Variants in SEMA3A observed in about 807,000 individuals in gnomAD.
The protein encoded by SEMA3A is semaphorin-3A.
A neutral mutation model predicts 97.9 loss-of-function variants in SEMA3A; 29 were observed. That is an observed-to-expected ratio of 0.30 (90% CI 0.22 to 0.40). SEMA3A has a LOEUF of 0.40. SEMA3A is among the 10% of genes least tolerant of loss of function. The probability of loss-of-function intolerance (pLI) is 1.00; values close to 1 mark genes in which losing one functional copy is unlikely to be tolerated. For synonymous variants in SEMA3A, 321 were observed against 323.7 expected (o/e 0.99, Z 0.09); for missense variants, 763 against 951.3 (o/e 0.80, Z 2.60).
rs1802942626 is a variant in SEMA3A at position 84,370,279 on chromosome 7, G to A, written c.-169+1545C>T. Among the ~76,000 whole-genome samples, 3 of 151,536 alleles carry A rather than the reference G, an allele frequency of 2.0e-5. No individual in the cohort carries two copies. The South Asian group carries it at 6.2e-4, about 31-fold the overall frequency. ...GGATTTAATGTGATAATATATGTGA[G>A]TCACAATCCATAAACTTTGTTTCCA... On this transcript the variant is annotated intron_variant, in intron 2 of 3. Coordinates refer to the SEMA3A transcript ENST00000424555.
At chr7:84,460,215 C>T (rs1219885417) in intron 1 of SEMA3A, among the ~76,000 whole-genome samples, 2 of 152,062 alleles carry the variant, frequency 1.3e-5, no homozygotes, top group African/African-American at 4.8e-5. Context: ...ATGCTTCTTT[C>T]TGATAGATTG....
chr7:84,066,953 T>A (rs559324985), intron 4 of SEMA3A, among the ~76,000 whole-genome samples: 1 of 152,022 alleles, frequency 6.6e-6, no homozygotes. Context: ...AAAAAGAGCC[T>A]GCATCGCCAA....
At chr7:84,379,209 G>A (rs13231225) in intron 1 of SEMA3A, among the ~76,000 whole-genome samples, 16,894 of 152,102 alleles carry the variant, frequency 0.11, 1,178 homozygotes, top group East Asian at 0.28. Flanking sequence ...TTACAGGTGT[G>A]AGCCACCGTG....
intron 2 of SEMA3A, among the ~76,000 whole-genome samples, chr7:84,370,389 T>C (rs1802944808): frequency 6.6e-6 from 1 of 151,704 alleles, no homozygotes; most frequent in African/African-American, 2.4e-5. Context: ...CCTTATATTT[T>C]AGCATAAGTT....
intron 3 of SEMA3A, among the ~76,000 whole-genome samples, chr7:84,222,828 G>T (rs1798909405): frequency 6.6e-6 from 1 of 151,828 alleles, no homozygotes; most frequent in South Asian, 2.1e-4. Context: ...CTCAAATTTT[G>T]CTATGTTGGT....
intron 3 of SEMA3A, among the ~76,000 whole-genome samples, chr7:84,265,529 A>ATG (rs1799971586): frequency 6.8e-6 from 1 of 147,590 alleles, no homozygotes; most frequent in Non-Finnish European, 1.5e-5. Flanking sequence ...ATAATTTTAT[A>ATG]TATTATATAT....
At chr7:84,449,689 C>G (rs2116361956) in intron 1 of SEMA3A, among the ~76,000 whole-genome samples, 1 of 152,086 alleles carries the variant, frequency 6.6e-6, no homozygotes, top group Non-Finnish European at 1.5e-5. Flanking sequence ...AATAAATATA[C>G]TCAAATATAC....
rs749742836 is a variant in SEMA3A at position 84,110,475 on chromosome 7, G to C, written c.448C>G (p.Pro150Ala). ...ICTYIEIGHH[P>A]EDNIFKLENS... The stretch of plus-strand genomic sequence containing the variant: ...TTTTAAAAAGCCAGCGTTACCTCAG[G>C]ATGATGTCCAATTTCAATGTAGGTG... The change falls in exon 4 of 17, where the codon CCT becomes GCT. Residue 150 changes from proline (P) to alanine (A), a missense_variant. Transcript: ENST00000265362. 9.9e-6 allele frequency: 16 copies of C among 1,613,822 alleles called. No individual in the cohort carries two copies. Among genetic ancestry groups the C allele is most frequent in the Non-Finnish European group, 1.2e-5 (14 of 1,179,812 alleles).
At chr7:84,128,932 T>C (rs1006470704) in intron 3 of SEMA3A, among the ~76,000 whole-genome samples, 191 bp downstream of exon 3, 11 of 152,156 alleles carry the variant, frequency 7.2e-5, no homozygotes, top group Non-Finnish European at 1.0e-4. Flanking sequence ...TTATACTATG[T>C]ATATGAAACA....
chr7:84,427,371 G>A (rs147941074), intron 1 of SEMA3A, among the ~76,000 whole-genome samples: 152 of 152,040 alleles, frequency 1.0e-3, no homozygotes, highest in Middle Eastern at 3.4e-3. Flanking sequence ...GTGAAGATTC[G>A]ACATGAAAAA....
At chr7:84,273,634 AAC>A (rs2115712545) in intron 3 of SEMA3A, among the ~76,000 whole-genome samples, 1 of 152,232 alleles carries the variant, frequency 6.6e-6, no homozygotes, top group African/African-American at 2.4e-5. Context: ...GAAAAATACT[AAC>A]ATCTGTTGTA....
intron 4 of SEMA3A, among the ~76,000 whole-genome samples, chr7:84,075,509 A>T (rs1583922254): frequency 7.7e-6 from 1 of 129,728 alleles, no homozygotes; most frequent in African/African-American, 3.0e-5. Flanking sequence ...CCAAGACTGG[A>T]GTGCAATGGT....
At chr7:84,437,390 G>A (rs554859383) in intron 1 of SEMA3A, among the ~76,000 whole-genome samples, 3 of 151,950 alleles carry the variant, frequency 2.0e-5, no homozygotes, top group Non-Finnish European at 4.4e-5. Context: ...TTAATAGTCC[G>A]ACATGAACAT....
At chr7:84,251,144 A>G (rs767193889) in intron 3 of SEMA3A, among the ~76,000 whole-genome samples, 2 of 152,220 alleles carry the variant, frequency 1.3e-5, no homozygotes, top group African/African-American at 4.8e-5. Context: ...AAATTTCAAC[A>G]TATCTATGGT....
chr7:84,013,841 T>G (rs2116420025), intron 7 of SEMA3A, among the ~76,000 whole-genome samples: 1 of 152,248 alleles, frequency 6.6e-6, no homozygotes, highest in East Asian at 1.9e-4. Flanking sequence ...AGCAAGACTC[T>G]GTCTCAAAAC....
At chr7:84,310,850 T>C (rs899660090) in intron 2 of SEMA3A, among the ~76,000 whole-genome samples, 11 of 151,904 alleles carry the variant, frequency 7.2e-5, no homozygotes, top group African/African-American at 2.7e-4. Context: ...CTTCTCTCCA[T>C]CCATCTCGCC....
chr7:84,415,373 A>C (rs1804404657), intron 1 of SEMA3A, among the ~76,000 whole-genome samples: 2 of 152,130 alleles, frequency 1.3e-5, no homozygotes, highest in African/African-American at 2.4e-5. Flanking sequence ...AACAAGTATC[A>C]GAATTTGTTT....
intron 1 of SEMA3A, among the ~76,000 whole-genome samples, chr7:84,189,592 G>A (rs773017841): frequency 4.6e-5 from 7 of 151,636 alleles, no homozygotes; most frequent in Non-Finnish European, 1.0e-4. Flanking sequence ...TAAAATTCAT[G>A]ATAACTTTAA....
chr7:84,114,874 C>T (rs1467784714), intron 3 of SEMA3A, among the ~76,000 whole-genome samples: 1 of 151,922 alleles, frequency 6.6e-6, no homozygotes, highest in Non-Finnish European at 1.5e-5. Flanking sequence ...AATCTCTTCT[C>T]CAAAGAGGCT....
Sources: gnomAD v4.1 joint callset for allele counts (sites outside exome capture counted in the v4.1 genomes callset) on GRCh38, gnomAD v4.1.1 for gene constraint, MANE v1.5 for transcripts, NCBI Gene and HGNC (gene_info 2026-07-23, HGNC 2026-07-21) for gene names.